The following MAP4 variants were observed in gnomAD, a reference collection of about 807,000 sequenced individuals.
MAP4 encodes microtubule-associated protein 4.
MAP4 carries 76 observed loss-of-function variants against 170.2 expected under a neutral mutation model. That is an observed-to-expected ratio of 0.45 (90% confidence interval 0.37 to 0.54). MAP4 has a LOEUF of 0.54. Among genes scored for constraint, MAP4 ranks in the 20% least tolerant of loss-of-function variants. MAP4 has a pLI of 0.00. For synonymous variants in MAP4, 909 were observed against 994.5 expected (o/e 0.91, Z 1.62); for missense variants, 2,506 against 2,748.0 (o/e 0.91, Z 1.97).
At chr3:47,896,014 G>A (rs1000520496) in intron 10 of MAP4, among the ~76,000 whole-genome samples, 1 of 152,044 alleles carries the variant, frequency 6.6e-6, no homozygotes, top group African/African-American at 2.4e-5. Flanking sequence ...GGGGTGGGGG[G>A]GCGGTCAGAA....
In MAP4 at chr3:47,916,414, CT is replaced by C; in HGVS notation, c.1412del (p.Glu471GlyfsTer16). 6.2e-7 allele frequency: 1 copy of C among 1,614,022 alleles called. No homozygotes were observed. ...TKDKALPLEA[E>X]VAPVKDMAQL... is the part of the protein sequence containing the mutation. ...GAGCCATGTCCTTGACTGGGGCCAC[CT>C]CTGCTTCTAAAGGTAGTGCTTTATC... On this transcript the variant is annotated frameshift_variant, in exon 7 of 21. Coordinates refer to ENST00000683076, the MANE Select transcript of MAP4 (RefSeq NM_001385682.1). LOFTEE classifies it high-confidence loss of function.
At chr3:47,958,566 G>GACTC (rs1157215363) in intron 3 of MAP4, among the ~76,000 whole-genome samples, 1 of 152,048 alleles carries the variant, frequency 6.6e-6, no homozygotes, top group Non-Finnish European at 1.5e-5. Context: ...GCCCAGGCTG[G>GACTC]AGTGCAGTGG....
intron 2 of MAP4, among the ~76,000 whole-genome samples, chr3:47,997,380 C>A (rs2100096544): frequency 1.8e-5 from 2 of 111,674 alleles, no homozygotes; most frequent in Non-Finnish European, 3.6e-5. Flanking sequence ...AAGAGGAATT[C>A]ACAAAGGAAA....
At chr3:47,900,735 AAACAACAACAAC>A (rs376549564) in intron 10 of MAP4, among the ~76,000 whole-genome samples, 1 of 151,866 alleles carries the variant, frequency 6.6e-6, no homozygotes, top group African/African-American at 2.4e-5. Context: ...GACTGTCTCA[AAACAACAACAAC>A]AACAACAACA....
chr3:47,938,601 G>A lies in MAP4; in HGVS notation c.293-10251C>T, dbSNP rs79938015. Among the ~76,000 whole-genome samples, 21 of 152,114 alleles carry A rather than the reference G, an allele frequency of 1.4e-4. No individual in the cohort carries two copies. In the East Asian group the frequency reaches 2.9e-3, roughly 21 times the overall value. ...GTCTCCATACATTGCCCAGGCTGGC[G>A]TTGAACAACTGGGCTCAAGCAATCC... On this transcript the variant is annotated intron_variant, in intron 3 of 20. Transcript: ENST00000683076.
chr3:47,999,065 T>C (rs1166520298), intron 1 of MAP4, among the ~76,000 whole-genome samples, 186 bp from the exon 2 acceptor site: 1 of 152,168 alleles, frequency 6.6e-6, no homozygotes, highest in Non-Finnish European at 1.5e-5. Context: ...TGACCCAAGG[T>C]AACTCACCGC....
intron 1 of MAP4, among the ~76,000 whole-genome samples, chr3:48,081,941 G>T (rs187327571): frequency 1.1e-3 from 173 of 152,256 alleles, no homozygotes; most frequent in African/African-American, 4.0e-3. Context: ...ACAGTGCCAG[G>T]AAGTACAAAA....
chr3:47,919,885 A>G (rs1427501057), intron 5 of MAP4, among the ~76,000 whole-genome samples: 4 of 151,922 alleles, frequency 2.6e-5, no homozygotes, highest in Admixed American at 2.6e-4. Flanking sequence ...CAACATTAGA[A>G]GACAATTTTA....
At chr3:47,952,329 CG>C (rs1156860895) in intron 3 of MAP4, among the ~76,000 whole-genome samples, 3 of 151,846 alleles carry the variant, frequency 2.0e-5, no homozygotes, top group Non-Finnish European at 4.4e-5. Context: ...TCTGCCCGGC[CG>C]CCCCTACTGG....
rs55939839 is a variant in MAP4 at position 48,066,822 on chromosome 3, C to CT, written c.-20+21950dup. Among the ~76,000 whole-genome samples, 153 of 65,828 alleles carry CT rather than the reference C, an allele frequency of 2.3e-3. 36 individuals are homozygous for CT. The highest frequency in any genetic ancestry group is 2.9e-3 in the Non-Finnish European group (111 of 37,854). 43.2% of individuals were successfully genotyped at this position (65,828 alleles called of 152,430 possible). Reference sequence around the variant, plus strand: ...TCTCTAAATGAAACATCTCTAATTCCTTTTTTTTTTTTTTTTTTTTTTTTT... The same window carrying CT: ...TCTCTAAATGAAACATCTCTAATTCCTTTTTTTTTTTTTTTTTTTTTTTTTT... On this transcript the variant is annotated intron_variant, in intron 1 of 18. Transcript: ENST00000360240.
In MAP4 at chr3:47,957,418, G is replaced by A. The variant is rs140783968; in HGVS notation, c.292+20447C>T. ...ACTCCTAACCTCAGGCAATCTGCCC[G>A]CCTCAGCCTCCCAAAGTGCTGGGAT... On this transcript the variant is annotated intron_variant, in intron 3 of 20. Coordinates refer to ENST00000683076, the MANE Select transcript of MAP4 (RefSeq NM_001385682.1). Among the ~76,000 whole-genome samples, 170 of 152,202 alleles carry A rather than the reference G, an allele frequency of 1.1e-3. No individual in the cohort carries two copies. The East Asian group carries it at 0.024, about 22-fold the overall frequency.
intron 10 of MAP4, among the ~76,000 whole-genome samples, chr3:47,885,579 G>A (rs996991029): frequency 4.6e-5 from 7 of 152,124 alleles, no homozygotes; most frequent in Non-Finnish European, 1.0e-4. Context: ...TCTTGTCTTG[G>A]TAGGAGGTTT....
chr3:48,047,783 G>A (rs143422428), intron 1 of MAP4, among the ~76,000 whole-genome samples: 272 of 152,170 alleles, frequency 1.8e-3, no homozygotes, highest in Non-Finnish European at 3.2e-3. Context: ...ATTCACTTTC[G>A]GAATAAAATT....
intron 1 of MAP4, among the ~76,000 whole-genome samples, chr3:48,001,917 C>A (rs2154385510): frequency 6.6e-6 from 1 of 151,640 alleles, no homozygotes; most frequent in Admixed American, 6.6e-5. Context: ...ACTCTTGTTG[C>A]CCAGGCTGGA....
intron 2 of MAP4, among the ~76,000 whole-genome samples, chr3:47,982,682 G>C (rs1241273867): frequency 6.6e-6 from 1 of 152,054 alleles, no homozygotes; most frequent in Non-Finnish European, 1.5e-5. Flanking sequence ...AAGTTAAAAA[G>C]AAAGCTTGAT....
intron 3 of MAP4, among the ~76,000 whole-genome samples, chr3:47,946,932 T>G (rs2100060417): frequency 6.6e-6 from 1 of 152,240 alleles, no homozygotes; most frequent in Middle Eastern, 3.4e-3. Flanking sequence ...ATAATCAAAA[T>G]CAACTGTGGC....
intron 6 of MAP4, 82 bp from the exon 7 acceptor site, chr3:47,917,256 T>G: frequency 8.3e-7 from 1 of 1,206,926 alleles, no homozygotes; most frequent in Non-Finnish European, 1.2e-6. Context: ...CATGAGAGTA[T>G]TTGGCTTTTG....
At chr3:47,961,513 G>A (rs1260044623) in intron 3 of MAP4, among the ~76,000 whole-genome samples, 1 of 152,172 alleles carries the variant, frequency 6.6e-6, no homozygotes, top group African/African-American at 2.4e-5. Context: ...TCAAATGTGT[G>A]TAAAGTGCAT....
chr3:47,917,253 G>C, intron 6 of MAP4, 79 bp from the exon 7 acceptor site: 4 of 1,230,988 alleles, frequency 3.2e-6, no homozygotes, highest in Non-Finnish European at 4.6e-6. Context: ...AGGCATGAGA[G>C]TATTTGGCTT....
Sources: allele counts gnomAD v4.1 joint callset (sites outside exome capture counted in the v4.1 genomes callset), GRCh38; gene constraint gnomAD v4.1.1; transcripts MANE v1.5; gene names NCBI Gene and HGNC (gene_info 2026-07-23, HGNC 2026-07-21).